Variants in SLC35F3 observed in about 807,000 individuals in gnomAD.
SLC35F3 encodes the protein putative thiamine transporter SLC35F3.
SLC35F3 carries 25 observed loss-of-function variants against 49.9 expected under a neutral mutation model. That is an observed-to-expected ratio of 0.50 (90% CI 0.37 to 0.70). SLC35F3 has a LOEUF of 0.70. SLC35F3 is among the 30% of genes least tolerant of loss of function. SLC35F3 has a pLI of 0.00. For synonymous variants in SLC35F3, 275 were observed against 265.4 expected (o/e 1.04, Z -0.35); for missense variants, 525 against 639.8 (o/e 0.82, Z 1.94).
intron 2 of SLC35F3, among the ~76,000 whole-genome samples, chr1:233,938,651 A>C (rs1356974819): frequency 6.7e-6 from 1 of 149,726 alleles, no homozygotes; most frequent in Admixed American, 6.7e-5. Context: ...GATGGATGGA[A>C]GGATGGAGGG....
intron 2 of SLC35F3, among the ~76,000 whole-genome samples, chr1:233,967,945 C>T (rs76091829): frequency 0.079 from 11,952 of 152,226 alleles, 649 homozygotes; most frequent in African/African-American, 0.16. Context: ...TAGGAACATG[C>T]GGTGAATTGT....
chr1:234,107,857 A>G (rs953823759), intron 2 of SLC35F3, among the ~76,000 whole-genome samples: 7 of 152,160 alleles, frequency 4.6e-5, no homozygotes, highest in Non-Finnish European at 1.0e-4. Context: ...CTCAAAGTAC[A>G]CTTTATAGAA....
chr1:234,218,844 A>G (rs1468548895), intron 2 of SLC35F3, among the ~76,000 whole-genome samples: 1 of 151,968 alleles, frequency 6.6e-6, no homozygotes, highest in African/African-American at 2.4e-5. Flanking sequence ...AGGTCAAGAG[A>G]GCAAGACCAT....
At chr1:234,219,437 T>G (rs911856030) in intron 2 of SLC35F3, among the ~76,000 whole-genome samples, 9 of 152,130 alleles carry the variant, frequency 5.9e-5, no homozygotes, top group African/African-American at 1.9e-4. Flanking sequence ...TTTTACCTAA[T>G]ATACGCAAGA....
intron 2 of SLC35F3, among the ~76,000 whole-genome samples, chr1:234,157,505 G>A (rs1666171488): frequency 6.6e-6 from 1 of 152,078 alleles, no homozygotes; most frequent in South Asian, 2.1e-4. Flanking sequence ...AAAAAAAGAA[G>A]GAAAGGACCC....
At chr1:233,959,951 C>A (rs185077119) in intron 2 of SLC35F3, among the ~76,000 whole-genome samples, 2 of 152,292 alleles carry the variant, frequency 1.3e-5, no homozygotes, top group African/African-American at 4.8e-5. Context: ...TCCTCACCCA[C>A]CTTGTGCAGT....
intron 2 of SLC35F3, among the ~76,000 whole-genome samples, chr1:234,058,328 ATTTTTTTTTTTTT>A (rs56960667): frequency 5.8e-4 from 23 of 39,798 alleles, no homozygotes; most frequent in East Asian, 2.0e-3. Flanking sequence ...ATGTTCCTGA[ATTTTTTTTTTTTT>A]TTTTTTTTTT....
At chr1:233,920,686 G>A (rs1044492456) in intron 2 of SLC35F3, among the ~76,000 whole-genome samples, 10 of 152,176 alleles carry the variant, frequency 6.6e-5, no homozygotes, top group East Asian at 1.9e-4. Context: ...GTGGAATTGT[G>A]TTATGTTACA....
chr1:234,305,098 A>G (rs537998), intron 3 of SLC35F3, among the ~76,000 whole-genome samples: 2,623 of 152,330 alleles, frequency 0.017, 77 homozygotes, highest in African/African-American at 0.061. Context: ...AATTGTGGGA[A>G]TGGCAAGTGC....
intron 3 of SLC35F3, among the ~76,000 whole-genome samples, chr1:234,280,881 C>T (rs1460421633): frequency 6.6e-6 from 1 of 152,190 alleles, no homozygotes; most frequent in African/African-American, 2.4e-5. Flanking sequence ...TCCTACCTGG[C>T]TTACTCACTA....
rs967970353 is a variant in SLC35F3 at position 234,027,794 on chromosome 1, C to T, written c.283+122036C>T. Among the ~76,000 whole-genome samples the T allele has an allele frequency of 6.6e-6, 1 of 152,094 alleles. No homozygotes were observed. The highest frequency in any genetic ancestry group is 1.5e-5 in the Non-Finnish European group (1 of 68,018). ...CGCCAGTTTAGCACTGGGTATTTAG[C>T]AGGGAACACAATGAACCATTTCCAC... On this transcript the variant is annotated intron_variant, in intron 2 of 7. Transcript: ENST00000366618. The surrounding 1 kb of genome is among the most constrained non-coding windows in gnomAD (Gnocchi z 4.1).
intron 2 of SLC35F3, among the ~76,000 whole-genome samples, chr1:234,051,648 T>C (rs886479455): frequency 6.6e-6 from 1 of 152,228 alleles, no homozygotes; most frequent in Non-Finnish European, 1.5e-5. Flanking sequence ...TCCTGCCTGA[T>C]TACCCTGGCC....
chr1:234,289,773 G>T (rs899985424), intron 3 of SLC35F3, among the ~76,000 whole-genome samples: 2 of 152,162 alleles, frequency 1.3e-5, no homozygotes, highest in Non-Finnish European at 2.9e-5. Context: ...CATCTCTACA[G>T]TACCACACAG....
intron 3 of SLC35F3, 69 bp from the exon 4 acceptor site, chr1:234,309,031 TG>T: frequency 8.8e-7 from 1 of 1,136,908 alleles, no homozygotes; most frequent in Non-Finnish European, 1.2e-6. Context: ...AAAAAAAACT[TG>T]CTATAGGAAA....
intron 2 of SLC35F3, among the ~76,000 whole-genome samples, chr1:234,207,350 T>C (rs1288779575): frequency 1.1e-4 from 2 of 18,220 alleles, no homozygotes; most frequent in Non-Finnish European, 2.6e-4. Flanking sequence ...CCAGGTCCTG[T>C]TAATAGACTG....
Position 233,951,357 on chromosome 1 carries a change from G to A in SLC35F3, c.283+45599G>A, listed in dbSNP as rs182284099. The stretch of plus-strand genomic sequence containing the variant: ...GTACAGTAATGTTCTAGGCCTTCAC[G>A]TTCACCCACCACCCACTCACTGACT... On this transcript the variant is annotated intron_variant, in intron 2 of 7. Coordinates refer to ENST00000366618, the MANE Select transcript of SLC35F3 (RefSeq NM_173508.4). Among the ~76,000 whole-genome samples the A allele has an allele frequency of 2.6e-3, 399 of 151,700 alleles. 9 individuals are homozygous for A. The highest frequency in any genetic ancestry group is 0.025 in the Admixed American group (376 of 15,250).
At chr1:234,297,228 G>A (rs577111119) in intron 3 of SLC35F3, among the ~76,000 whole-genome samples, 13 of 152,264 alleles carry the variant, frequency 8.5e-5, no homozygotes, top group Admixed American at 4.6e-4. Flanking sequence ...CAGCCACCAT[G>A]GAAAACAGTA....
intron 3 of SLC35F3, among the ~76,000 whole-genome samples, chr1:234,240,918 G>A (rs978755036): frequency 3.3e-5 from 5 of 152,148 alleles, no homozygotes; most frequent in Non-Finnish European, 7.3e-5. Context: ...GAACTGATGT[G>A]GAACTTATCA....
At chr1:233,921,718 A>C (rs936614145) in intron 2 of SLC35F3, among the ~76,000 whole-genome samples, 2 of 152,002 alleles carry the variant, frequency 1.3e-5, no homozygotes, top group African/African-American at 4.8e-5. Context: ...TATGTTACAT[A>C]TGTATACATG....
Sources: gnomAD v4.1 joint callset for allele counts (sites outside exome capture counted in the v4.1 genomes callset) on GRCh38, gnomAD v4.1.1 for gene constraint, Gnocchi (gnomAD v3.1) non-coding constraint, MANE v1.5 for transcripts, NCBI Gene and HGNC (gene_info 2026-07-23, HGNC 2026-07-21) for gene names.